Variants in CUX1 observed in about 807,000 individuals in gnomAD.
CUX1 encodes the protein protein CASP.
CUX1 carries 31 observed loss-of-function variants against 158.8 expected under a neutral mutation model. That is an observed-to-expected ratio of 0.20 (90% CI 0.15 to 0.26). CUX1 has a LOEUF of 0.26. Ranked by LOEUF, CUX1 falls within the 10% of genes least tolerant of loss-of-function variation. The pLI is 1.00. For synonymous variants in CUX1, 879 were observed against 862.1 expected (o/e 1.02, Z -0.34); for missense variants, 1,589 against 2,014.6 (o/e 0.79, Z 4.04).
At chr7:101,940,204 C>T (rs1174132581) in intron 2 of CUX1, among the ~76,000 whole-genome samples, 1 of 150,278 alleles carries the variant, frequency 6.7e-6, no homozygotes, top group Non-Finnish European at 1.5e-5. Flanking sequence ...TGCACCACTG[C>T]ACTCCAGCCT....
At chr7:102,061,973 C>G (rs924085431) in intron 3 of CUX1, among the ~76,000 whole-genome samples, 1 of 152,196 alleles carries the variant, frequency 6.6e-6, no homozygotes, top group Non-Finnish European at 1.5e-5. Context: ...AACCAAAGAT[C>G]ATTTCTTGTT....
chr7:101,970,518 G>A (rs1414934408), intron 2 of CUX1, among the ~76,000 whole-genome samples: 4 of 152,076 alleles, frequency 2.6e-5, no homozygotes, highest in Non-Finnish European at 5.9e-5. Flanking sequence ...ACCTCCCCAC[G>A]CCTCTGCTGA....
intron 2 of CUX1, among the ~76,000 whole-genome samples, chr7:101,950,578 T>TA (rs1808944449): frequency 6.6e-6 from 1 of 152,230 alleles, no homozygotes; most frequent in Admixed American, 6.5e-5. Flanking sequence ...CCTCCATAAA[T>TA]AAAGTTTTAT....
upstream of CUX1, among the ~76,000 whole-genome samples, chr7:101,816,524 G>A (rs1052457567): frequency 7.1e-6 from 1 of 141,794 alleles, no homozygotes; most frequent in Non-Finnish European, 1.6e-5. Context: ...GCGGCGGGGG[G>A]CGGGCGGCGG....
chr7:102,151,817 T>G (rs1451264361), intron 8 of CUX1, among the ~76,000 whole-genome samples: 1 of 147,522 alleles, frequency 6.8e-6, no homozygotes, highest in Non-Finnish European at 1.5e-5. Flanking sequence ...CTGCAAACAC[T>G]GATGGCCACA....
At chr7:102,021,150 C>G (rs556854655) in intron 2 of CUX1, among the ~76,000 whole-genome samples, 2 of 152,062 alleles carry the variant, frequency 1.3e-5, no homozygotes, top group African/African-American at 2.4e-5. Context: ...ACATTGTCTC[C>G]GAAGGAGAAA....
chr7:101,979,630 A>G (rs1408819228), intron 2 of CUX1, among the ~76,000 whole-genome samples: 1 of 151,802 alleles, frequency 6.6e-6, no homozygotes, highest in African/African-American at 2.4e-5. Context: ...CCCCCTTGGC[A>G]GGGCTCAGGT....
At chr7:101,970,712 T>C (rs1161573674) in intron 2 of CUX1, among the ~76,000 whole-genome samples, 2 of 151,978 alleles carry the variant, frequency 1.3e-5, no homozygotes, top group African/African-American at 4.8e-5. Flanking sequence ...CGTACGACCA[T>C]ACCCGGCTGA....
chr7:101,874,484 G>A (rs552934462), intron 1 of CUX1, among the ~76,000 whole-genome samples: 5 of 152,318 alleles, frequency 3.3e-5, no homozygotes, highest in Admixed American at 2.0e-4. Context: ...CACAGAGGAA[G>A]GACATATTTA....
intron 20 of CUX1, among the ~76,000 whole-genome samples, chr7:102,281,307 C>G (rs1554549176): frequency 6.6e-6 from 1 of 151,852 alleles, no homozygotes; most frequent in Admixed American, 6.6e-5. Context: ...GAAGTCAATG[C>G]TACAGTGAGC....
At chr7:102,068,174 C>T (rs1244878827) in intron 3 of CUX1, among the ~76,000 whole-genome samples, 2 of 151,846 alleles carry the variant, frequency 1.3e-5, no homozygotes, top group African/African-American at 4.8e-5. Flanking sequence ...TCACTGCAGC[C>T]TCGAACTGCT....
At chr7:102,269,119 T>C (rs1413811998) in intron 14 of CUX1, among the ~76,000 whole-genome samples, 1 of 2,212 alleles carries the variant, frequency 4.5e-4, no homozygotes, top group Non-Finnish European at 6.9e-4. Context: ...TGTGGGTTTT[T>C]TTGTTTGTTT....
downstream of CUX1, among the ~76,000 whole-genome samples, chr7:102,259,537 G>A (rs1790219241): frequency 6.6e-6 from 1 of 152,130 alleles, no homozygotes. Context: ...ACGGTGAGCC[G>A]AGATTGTGCC....
chr7:102,141,257 G>C (rs977555778), intron 8 of CUX1, among the ~76,000 whole-genome samples: 1 of 152,274 alleles, frequency 6.6e-6, no homozygotes, highest in East Asian at 1.9e-4. Flanking sequence ...TCCTATGAAC[G>C]TTCTCGTGCC....
intron 8 of CUX1, among the ~76,000 whole-genome samples, chr7:102,122,021 A>G (rs1301951897): frequency 1.3e-5 from 2 of 152,070 alleles, no homozygotes; most frequent in Admixed American, 6.6e-5. Context: ...CTCATGAAAG[A>G]CTCACAGAAC....
chr7:102,097,651 A>G lies in CUX1; in HGVS notation c.406+150A>G, dbSNP rs556893973. ...GGTGGGGCAGGAATCTGAGTCGTTA[A>G]AGAGAGATGATAATCATGCTGAGCT... is the stretch of plus-strand genomic sequence containing the variant. On this transcript the variant is annotated intron_variant, in intron 5 of 23. Transcript: ENST00000292535. 6.1e-6 allele frequency: 5 copies of G among 815,950 alleles called. No homozygotes were observed. In the African/African-American group the frequency reaches 8.7e-5, roughly 14 times the overall value. The allele number at this position is 815,950 out of a possible 1,614,324, so 50.5% of individuals were successfully genotyped here.
intron 2 of CUX1, among the ~76,000 whole-genome samples, chr7:101,944,618 G>A (rs1448164705): frequency 6.6e-6 from 1 of 152,200 alleles, no homozygotes; most frequent in Non-Finnish European, 1.5e-5. Context: ...CCCAGGAGCC[G>A]GAATTTTTCT....
rs989872151 is a variant in CUX1, at chr7:102,028,131, A to G, written c.175A>G (p.Ser59Gly). 1 of 1,612,650 alleles carries G rather than the reference A, an allele frequency of 6.2e-7. No individual in the cohort carries two copies. Among genetic ancestry groups the G allele is most frequent in the African/African-American group, 1.3e-5 (1 of 74,888 alleles). Residue 59 changes from serine (S) to glycine (G), a missense_variant, in exon 3 of 24, where the codon AGT becomes GGT. Ser to Gly is a moderately conservative substitution (Grantham distance 56). Transcript: ENST00000292535. ...CAAGCAGGTAGCGCCGCTGCTGAAG[A>G]GTTTCCAAGGAGAGGTAAGCTTTTC... ...LRKQVAPLLK[S>G]FQGEIDALSK...
chr7:102,093,012 G>C (rs1414062314), intron 4 of CUX1, among the ~76,000 whole-genome samples: 2 of 151,438 alleles, frequency 1.3e-5, no homozygotes, highest in East Asian at 3.9e-4. Context: ...CTCCTGCCTT[G>C]CGTTTGTCAT....
Sources: allele counts gnomAD v4.1 joint callset (sites outside exome capture counted in the v4.1 genomes callset), GRCh38; gene constraint gnomAD v4.1.1; transcripts MANE v1.5; gene names NCBI Gene and HGNC (gene_info 2026-07-23, HGNC 2026-07-21).